KCNQ5: variants seen among roughly 807,000 people sequenced by gnomAD.
KCNQ5 encodes potassium voltage-gated channel subfamily Q member 5.
In KCNQ5, 30 loss-of-function variants were observed where a neutral mutation model predicts 98.2. That is an observed-to-expected ratio of 0.31 (90% CI 0.23 to 0.41). The LOEUF is 0.41. Ranked by LOEUF, KCNQ5 falls within the 10% of genes least tolerant of loss-of-function variation. The pLI, the probability that KCNQ5 is intolerant of heterozygous loss-of-function variation, is 1.00. For synonymous variants in KCNQ5, 458 were observed against 449.4 expected (o/e 1.02, Z -0.24); for missense variants, 835 against 1,182.5 (o/e 0.71, Z 4.31).
intron 11 of KCNQ5, among the ~76,000 whole-genome samples, chr6:73,173,371 TAGC>T (rs1778082823): frequency 6.6e-6 from 1 of 152,184 alleles, no homozygotes; most frequent in Non-Finnish European, 1.5e-5. Context: ...AAGATAAAAT[TAGC>T]AGGAAAGTAA....
intron 10 of KCNQ5, chr6:73,134,354 G>A (rs1193866601): frequency 1.3e-5 from 2 of 156,834 alleles, no homozygotes; most frequent in African/African-American, 4.8e-5. Flanking sequence ...CTTTTAACTA[G>A]GCCCCCTGGG....
At chr6:72,900,437 GAT>G (rs911399544) in intron 1 of KCNQ5, among the ~76,000 whole-genome samples, 2 of 138,018 alleles carry the variant, frequency 1.4e-5, no homozygotes, top group Non-Finnish European at 3.1e-5. Flanking sequence ...GTATATATAT[GAT>G]ATATATATCA....
chr6:72,714,338 T>G lies in KCNQ5; in HGVS notation c.398+91751T>G, dbSNP rs76596495. Reference sequence around the variant, plus strand: ...GTGCAATGCTGCAATACCTGCTTTGTTCTTTATTTGTAAAGTTCTTGTCTC... The same window carrying G: ...GTGCAATGCTGCAATACCTGCTTTGGTCTTTATTTGTAAAGTTCTTGTCTC... On this transcript the variant is annotated intron_variant, in intron 1 of 13. Coordinates refer to ENST00000370398, the MANE Select transcript of KCNQ5 (RefSeq NM_019842.4). 9.4e-3 allele frequency among the ~76,000 whole-genome samples: 1,434 copies of G among 152,330 alleles called. 13 individuals are homozygous for G. The highest frequency in any genetic ancestry group is 0.02 in the East Asian group (104 of 5,184).
intron 1 of KCNQ5, among the ~76,000 whole-genome samples, chr6:72,629,700 G>A (rs1429054820): frequency 6.6e-6 from 1 of 152,202 alleles, no homozygotes; most frequent in Admixed American, 6.5e-5. Context: ...CTAGCCCAAT[G>A]GTGTGAAACT....
At chr6:72,863,814 C>A (rs1280555912) in intron 1 of KCNQ5, among the ~76,000 whole-genome samples, 1 of 152,082 alleles carries the variant, frequency 6.6e-6, no homozygotes, top group Non-Finnish European at 1.5e-5. Flanking sequence ...GAAATGTAAT[C>A]CAAAAATTAC....
chr6:72,690,992 T>C (rs1308755864), intron 1 of KCNQ5, among the ~76,000 whole-genome samples: 1 of 152,178 alleles, frequency 6.6e-6, no homozygotes, highest in East Asian at 1.9e-4. Context: ...ATATTCAGAA[T>C]TATTAGCCTC....
chr6:72,987,680 T>G (rs1364569775), intron 1 of KCNQ5: 1 of 602,930 alleles, frequency 1.7e-6, no homozygotes, highest in East Asian at 4.0e-5. Flanking sequence ...CGTCTCTGCT[T>G]CTCCACCGCC....
intron 1 of KCNQ5, among the ~76,000 whole-genome samples, chr6:72,871,153 T>C (rs1778189073): frequency 6.6e-6 from 1 of 152,170 alleles, no homozygotes; most frequent in South Asian, 2.1e-4. Context: ...CACGAGCTTT[T>C]GAGAAAAGAA....
chr6:72,723,675 C>G (rs1218225798), intron 1 of KCNQ5, among the ~76,000 whole-genome samples: 1 of 151,882 alleles, frequency 6.6e-6, no homozygotes, highest in Non-Finnish European at 1.5e-5. Context: ...TCTTTCATCA[C>G]AGGTGATCAT....
Position 73,196,743 on chromosome 6 carries a change from C to T in KCNQ5, c.*1329C>T, listed in dbSNP as rs1765801819. 1 of 152,022 alleles carries T rather than the reference C, an allele frequency of 6.6e-6. No individual in the cohort carries two copies. Among genetic ancestry groups the T allele is most frequent in the Admixed American group, 6.6e-5 (1 of 15,264 alleles). The allele number at this position is 152,022 out of a possible 1,614,324, so 9.4% of individuals were successfully genotyped here. A position where few individuals can be genotyped will look rare whatever the true frequency, so the allele number is the denominator to read the frequency against. ...TTCAATTTCCTGATATAAACATTTA[C>T]AATTAGAAGCTAGATAGTACTGGCA... is the stretch of plus-strand genomic sequence containing the variant. On this transcript the variant is annotated 3_prime_UTR_variant, in exon 14 of 14. Transcript: ENST00000370398.
chr6:73,126,252 G>A (rs1317191633), intron 9 of KCNQ5, among the ~76,000 whole-genome samples: 3 of 152,122 alleles, frequency 2.0e-5, no homozygotes, highest in South Asian at 2.1e-4. Context: ...CTGAGAGTGC[G>A]ATCACCCATC....
chr6:73,165,252 C>T (rs1777749995), intron 10 of KCNQ5, among the ~76,000 whole-genome samples: 4 of 152,154 alleles, frequency 2.6e-5, no homozygotes, highest in South Asian at 2.1e-4. Flanking sequence ...TCCCAAAGTG[C>T]AGGATTAAAG....
chr6:73,149,998 AC>A, intron 10 of KCNQ5, among the ~76,000 whole-genome samples: 1 of 135,218 alleles, frequency 7.4e-6, no homozygotes, highest in East Asian at 2.0e-4. Flanking sequence ...CCCTCAAAAC[AC>A]CACAGGGGAA....
At chr6:72,722,582 T>C (rs905218909) in intron 1 of KCNQ5, among the ~76,000 whole-genome samples, 2 of 152,182 alleles carry the variant, frequency 1.3e-5, no homozygotes, top group Admixed American at 6.5e-5. Flanking sequence ...TTAGAGATGC[T>C]CCACCTAGAA....
chr6:72,882,899 G>T (rs1008315825), intron 1 of KCNQ5, among the ~76,000 whole-genome samples: 1 of 152,090 alleles, frequency 6.6e-6, no homozygotes, highest in African/African-American at 2.4e-5. Context: ...GAGCTTTATG[G>T]TCTTTAATTT....
intron 5 of KCNQ5, among the ~76,000 whole-genome samples, chr6:73,102,647 A>G (rs1188716074): frequency 6.6e-6 from 1 of 152,236 alleles, no homozygotes; most frequent in East Asian, 1.9e-4. Context: ...AAGGTGCTCA[A>G]TATAATTAAT....
chr6:73,175,785 T>C (rs1273361886), intron 11 of KCNQ5, among the ~76,000 whole-genome samples: 1 of 152,062 alleles, frequency 6.6e-6, no homozygotes, highest in Non-Finnish European at 1.5e-5. Flanking sequence ...AAAAGTAGAG[T>C]CAATTACAAT....
intron 2 of KCNQ5, among the ~76,000 whole-genome samples, chr6:73,036,532 A>G (rs1771442154): frequency 6.6e-6 from 1 of 152,044 alleles, no homozygotes; most frequent in South Asian, 2.1e-4. Context: ...AGCAGCCACT[A>G]ATCTGTTCTC....
At chr6:73,050,052 A>T (rs553143251) in intron 3 of KCNQ5, among the ~76,000 whole-genome samples, 1 of 152,050 alleles carries the variant, frequency 6.6e-6, no homozygotes, top group Admixed American at 6.6e-5. Flanking sequence ...AACAAAAACA[A>T]ACAAAAAAAA....
Sources: allele counts gnomAD v4.1 joint callset (sites outside exome capture counted in the v4.1 genomes callset), GRCh38; gene constraint gnomAD v4.1.1; transcripts MANE v1.5; gene names NCBI Gene and HGNC (gene_info 2026-07-23, HGNC 2026-07-21).